Variants in STAG1 observed in about 807,000 individuals in gnomAD.
STAG1 encodes cohesin subunit SA-1.
In STAG1, 26 loss-of-function variants were observed where a neutral mutation model predicts 170.9. That is an observed-to-expected ratio of 0.15 (90% CI 0.11 to 0.21). The LOEUF (loss-of-function observed/expected upper bound fraction) is 0.21. Among genes scored for constraint, STAG1 ranks in the 10% least tolerant of loss-of-function variants. STAG1 has a pLI of 1.00. For synonymous variants in STAG1, 514 were observed against 497.7 expected, an observed-to-expected ratio of 1.03 and a Z score of -0.44; for missense variants, 964 against 1,509.5, an observed-to-expected ratio of 0.64 and a Z score of 5.99.
chr3:136,369,762 A>G (rs994466299), intron 23 of STAG1, among the ~76,000 whole-genome samples: 2 of 152,222 alleles, frequency 1.3e-5, no homozygotes, highest in Admixed American at 1.3e-4. Flanking sequence ...CTAATGTTAA[A>G]AAATGTCAGT....
chr3:136,468,373 A>G lies in STAG1; in HGVS notation c.1206-3385T>C, dbSNP rs1354058278. Among the ~76,000 whole-genome samples, 4 of 152,358 alleles carry G rather than the reference A, an allele frequency of 2.6e-5. No homozygotes were observed. The East Asian group carries it at 5.8e-4, about 22-fold the overall frequency. ...ACAAACTACCATCAGAGAATACTATAAACACCTCTACGCAAATAAACTAGA... is the reference window on the plus strand; with the variant it reads ...ACAAACTACCATCAGAGAATACTATGAACACCTCTACGCAAATAAACTAGA... On this transcript the variant is annotated intron_variant, in intron 12 of 33. Coordinates refer to ENST00000383202, the MANE Select transcript of STAG1 (RefSeq NM_005862.3).
intron 4 of STAG1, among the ~76,000 whole-genome samples, chr3:136,600,287 C>A (rs575263922): frequency 1.3e-5 from 2 of 152,300 alleles, no homozygotes; most frequent in African/African-American, 4.8e-5. Context: ...TTGGCACTTT[C>A]CTTCAGCCTG....
At chr3:136,463,770 T>TACACACACACACACAC (rs375928916) in intron 13 of STAG1, among the ~76,000 whole-genome samples, 46 of 126,394 alleles carry the variant, frequency 3.6e-4, no homozygotes, top group Non-Finnish European at 6.7e-5. Context: ...TGTGTGTGTA[T>TACACACACACACACAC]ACACACACAC....
At chr3:136,544,883 T>C (rs1936084967) in intron 5 of STAG1, among the ~76,000 whole-genome samples, 1 of 152,262 alleles carries the variant, frequency 6.6e-6, no homozygotes, top group Admixed American at 6.5e-5. Context: ...TCCTTCCAAA[T>C]AGCAGATGCT....
intron 32 of STAG1, among the ~76,000 whole-genome samples, chr3:136,339,908 T>C (rs1400291457): frequency 6.6e-6 from 1 of 152,222 alleles, no homozygotes; most frequent in Admixed American, 6.5e-5. Context: ...CGTGGATTTT[T>C]GTCAGGCTCA....
intron 4 of STAG1, among the ~76,000 whole-genome samples, chr3:136,590,145 AT>A (rs1353083399): frequency 6.6e-6 from 1 of 151,336 alleles, no homozygotes; most frequent in African/African-American, 2.4e-5. Context: ...ATAAAAATAC[AT>A]GTATCTCTGA....
intron 13 of STAG1, among the ~76,000 whole-genome samples, chr3:136,463,279 T>C (rs534531436): frequency 4.6e-5 from 7 of 152,266 alleles, no homozygotes; most frequent in African/African-American, 1.7e-4. Flanking sequence ...AGAAATAACT[T>C]TTCTCACTTT....
chr3:136,731,408 A>C (rs1256020070), intron 1 of STAG1, among the ~76,000 whole-genome samples: 1 of 152,248 alleles, frequency 6.6e-6, no homozygotes, highest in Non-Finnish European at 1.5e-5. Context: ...CAAGCAGAAT[A>C]AAATCTGGAT....
chr3:136,579,241 T>C (rs964591520), intron 4 of STAG1, among the ~76,000 whole-genome samples: 9 of 152,230 alleles, frequency 5.9e-5, no homozygotes, highest in African/African-American at 1.7e-4. Context: ...TCAAAGCAAG[T>C]TGTTACCTGA....
chr3:136,569,656 T>A (rs1937199727), intron 4 of STAG1, among the ~76,000 whole-genome samples: 1 of 151,998 alleles, frequency 6.6e-6, no homozygotes, highest in Non-Finnish European at 1.5e-5. Flanking sequence ...GGAGTCTCTA[T>A]TAAAGTGATT....
chr3:136,521,651 G>C (rs370731898), intron 6 of STAG1, among the ~76,000 whole-genome samples: 9 of 152,080 alleles, frequency 5.9e-5, no homozygotes, highest in Admixed American at 1.3e-4. Context: ...CTACTTTATT[G>C]TTCTAAGTCT....
At chr3:136,451,926 A>G in intron 14 of STAG1, 107 bp downstream of exon 14, 3 of 725,022 alleles carry the variant, frequency 4.1e-6, no homozygotes, top group Non-Finnish European at 4.4e-6. Context: ...AGGTAACTTT[A>G]TAAGAAACAG....
At chr3:136,690,733 G>C (rs568850882) in intron 1 of STAG1, among the ~76,000 whole-genome samples, 2 of 152,206 alleles carry the variant, frequency 1.3e-5, no homozygotes, top group Admixed American at 6.5e-5. Flanking sequence ...GTCAGCAAAA[G>C]AATTTCATAA....
intron 5 of STAG1, among the ~76,000 whole-genome samples, chr3:136,544,937 T>C (rs1936087465): frequency 6.6e-6 from 1 of 152,174 alleles, no homozygotes; most frequent in African/African-American, 2.4e-5. Flanking sequence ...AAAGCTCTTC[T>C]TTTACAGAGT....
intron 9 of STAG1, among the ~76,000 whole-genome samples, chr3:136,490,080 G>C (rs1211782688): frequency 1.3e-5 from 2 of 151,756 alleles, no homozygotes; most frequent in East Asian, 3.9e-4. Context: ...TTACTCCATC[G>C]CCCAGGCTGG....
chr3:136,485,635 T>C (rs2089993892), intron 9 of STAG1, among the ~76,000 whole-genome samples: 1 of 152,192 alleles, frequency 6.6e-6, no homozygotes. Flanking sequence ...CTAAGAAATA[T>C]AATACAGTTA....
chr3:136,448,767 C>T (rs2088855716), intron 14 of STAG1, among the ~76,000 whole-genome samples: 1 of 152,052 alleles, frequency 6.6e-6, no homozygotes, highest in South Asian at 2.1e-4. Flanking sequence ...GGCGAAACTC[C>T]ATCTCTACTA....
In STAG1 at chr3:136,548,998, T is replaced by C. The variant is rs115780519; in HGVS notation, c.395-6803A>G. On this transcript the variant is annotated intron_variant, in intron 5 of 33. Transcript: ENST00000383202. ...AATTCTGCCATGATTGTACGTTTCC[T>C]GAGGCCTTCCTAGCCACGCTTCCTC... 9.6e-3 allele frequency among the ~76,000 whole-genome samples: 1,462 copies of C among 152,320 alleles called. 27 individuals are homozygous for C. Among genetic ancestry groups the C allele is most frequent in the African/African-American group, 0.034 (1,395 of 41,566 alleles).
intron 4 of STAG1, among the ~76,000 whole-genome samples, chr3:136,570,473 G>A (rs1038411508): frequency 2.0e-5 from 3 of 152,096 alleles, no homozygotes; most frequent in Middle Eastern, 3.2e-3. Context: ...TTGCAGTTTA[G>A]GGCTATCACA....
Sources: allele counts gnomAD v4.1 joint callset (sites outside exome capture counted in the v4.1 genomes callset), GRCh38; gene constraint gnomAD v4.1.1; transcripts MANE v1.5; gene names NCBI Gene and HGNC (gene_info 2026-07-23, HGNC 2026-07-21).